Variants in PTPRD observed in about 807,000 individuals in gnomAD.
The protein encoded by PTPRD is receptor-type tyrosine-protein phosphatase delta.
PTPRD carries 34 observed loss-of-function variants against 214.5 expected under a neutral mutation model. That is an observed-to-expected ratio of 0.16 (90% CI 0.12 to 0.21). PTPRD has a LOEUF of 0.21. Ranked by LOEUF, PTPRD falls within the 10% of genes least tolerant of loss-of-function variation. PTPRD has a pLI of 1.00. For synonymous variants in PTPRD, 1,128 were observed against 845.7 expected, an observed-to-expected ratio of 1.33 and a Z score of -5.79; for missense variants, 2,545 against 2,398.7, an observed-to-expected ratio of 1.06 and a Z score of -1.27.
chr9:10,511,885 C>T lies in PTPRD; in HGVS notation c.-600+100513G>A, dbSNP rs202179836. Among the ~76,000 whole-genome samples, 77 of 59,070 alleles carry T rather than the reference C, an allele frequency of 1.3e-3. 1 individual carries two copies. The highest frequency in any genetic ancestry group is 2.1e-3 in the Admixed American group (14 of 6,512). The allele number at this position is 59,070 out of a possible 152,430, so 38.8% of individuals were successfully genotyped here. A position where few individuals can be genotyped will look rare whatever the true frequency, so the allele number is the denominator to read the frequency against. ...GTGTGTGTGTGTGTGTGTGTATATA[C>T]ACACACACATATATATACATATATA... is the stretch of plus-strand genomic sequence containing the variant. On this transcript the variant is annotated intron_variant, in intron 2 of 45. Transcript: ENST00000381196.
intron 14 of PTPRD, among the ~76,000 whole-genome samples, chr9:8,632,839 C>G (rs972426754): frequency 6.6e-6 from 1 of 151,860 alleles, no homozygotes; most frequent in Admixed American, 6.6e-5. Flanking sequence ...TTTTTTTTCA[C>G]ATAAGACAGG....
chr9:9,096,439 T>C (rs1000341459), intron 10 of PTPRD, among the ~76,000 whole-genome samples: 2 of 152,208 alleles, frequency 1.3e-5, no homozygotes, highest in African/African-American at 4.8e-5. Context: ...ACTCCAGCAC[T>C]GAAAATTATT....
intron 11 of PTPRD, among the ~76,000 whole-genome samples, chr9:8,744,087 C>G (rs535861201): frequency 1.9e-4 from 29 of 152,154 alleles, no homozygotes; most frequent in African/African-American, 6.7e-4. Context: ...AAATCAAAAC[C>G]ACAATGCAAT....
intron 7 of PTPRD, among the ~76,000 whole-genome samples, chr9:9,653,094 G>C (rs1034922445): frequency 6.7e-6 from 1 of 149,520 alleles, no homozygotes; most frequent in African/African-American, 2.5e-5. Flanking sequence ...TGTAATCCCA[G>C]CACTTTGGGA....
chr9:9,215,183 T>G (rs2099951349), intron 9 of PTPRD, among the ~76,000 whole-genome samples: 1 of 152,186 alleles, frequency 6.6e-6, no homozygotes, highest in Non-Finnish European at 1.5e-5. Flanking sequence ...AGAAGTCATC[T>G]GCTGGTGGGA....
chr9:9,876,677 T>C (rs1308226816), intron 5 of PTPRD, among the ~76,000 whole-genome samples: 2 of 152,172 alleles, frequency 1.3e-5, no homozygotes, highest in South Asian at 2.1e-4. Flanking sequence ...TTTACACATA[T>C]TTGTCATTTT....
At chr9:8,717,684 C>T (rs181050157) in intron 12 of PTPRD, among the ~76,000 whole-genome samples, 8 of 152,318 alleles carry the variant, frequency 5.3e-5, no homozygotes, top group Non-Finnish European at 1.0e-4. Context: ...CTCACCTTCA[C>T]ATGTTTTTAT....
At chr9:10,249,738 A>G (rs2092594062) in intron 3 of PTPRD, among the ~76,000 whole-genome samples, 1 of 152,196 alleles carries the variant, frequency 6.6e-6, no homozygotes, top group Non-Finnish European at 1.5e-5. Flanking sequence ...TTTTCCTACC[A>G]TAAATGCAGT....
At chr9:8,458,410 A>T (rs568937401) in intron 33 of PTPRD, among the ~76,000 whole-genome samples, 1 of 152,256 alleles carries the variant, frequency 6.6e-6, no homozygotes, top group African/African-American at 2.4e-5. Flanking sequence ...ATAAAACATA[A>T]CTTAAAAATA....
intron 5 of PTPRD, among the ~76,000 whole-genome samples, chr9:9,836,582 G>A (rs1034765802): frequency 2.0e-5 from 3 of 152,120 alleles, no homozygotes; most frequent in Non-Finnish European, 4.4e-5. Flanking sequence ...TTGGGTGGTT[G>A]AACCTGAAAG....
At chr9:9,302,281 G>T (rs755421050) in intron 9 of PTPRD, among the ~76,000 whole-genome samples, 2 of 151,670 alleles carry the variant, frequency 1.3e-5, no homozygotes, top group Non-Finnish European at 2.9e-5. Flanking sequence ...TGTCCTTTTG[G>T]CAAGTTAGGA....
intron 37 of PTPRD, among the ~76,000 whole-genome samples, chr9:8,386,293 C>T (rs1477285007): frequency 6.6e-6 from 1 of 152,126 alleles, no homozygotes; most frequent in Non-Finnish European, 1.5e-5. Flanking sequence ...ATGGTGGTAT[C>T]CCCATGCAGT....
chr9:9,015,898 T>C (rs2099532927), intron 11 of PTPRD, among the ~76,000 whole-genome samples: 1 of 152,008 alleles, frequency 6.6e-6, no homozygotes, highest in African/African-American at 2.4e-5. Context: ...ACAAACTTTG[T>C]TGTTGTTATG....
intron 39 of PTPRD, among the ~76,000 whole-genome samples, chr9:8,364,251 T>C (rs2079209793): frequency 6.6e-6 from 1 of 152,212 alleles, no homozygotes; most frequent in Admixed American, 6.5e-5. Context: ...GTCATTTACA[T>C]TACGTTAAGA....
At chr9:8,339,183 C>CCTTGA in intron 42 of PTPRD, 136 bp from the exon 43 acceptor site, 1 of 868,552 alleles carries the variant, frequency 1.2e-6, no homozygotes, top group Non-Finnish European at 1.6e-6. Flanking sequence ...ATTCCAATTG[C>CCTTGA]ATATGACTCA....
chr9:8,872,678 T>C (rs1357967936), intron 11 of PTPRD, among the ~76,000 whole-genome samples: 6 of 152,256 alleles, frequency 3.9e-5, no homozygotes, highest in Admixed American at 3.9e-4. Context: ...TGTTCTGTTA[T>C]CACTTTTTAA....
intron 11 of PTPRD, among the ~76,000 whole-genome samples, chr9:8,832,104 A>ATGTGTGTGTG (rs34699954): frequency 1.3e-5 from 2 of 148,758 alleles, no homozygotes; most frequent in East Asian, 4.0e-4. Flanking sequence ...GTATGTGTAT[A>ATGTGTGTGTG]TGTGTGTGTG....
intron 3 of PTPRD, among the ~76,000 whole-genome samples, chr9:10,270,877 C>G (rs2094379186): frequency 6.6e-6 from 1 of 151,876 alleles, no homozygotes; most frequent in Non-Finnish European, 1.5e-5. Context: ...CTTTTGTAGT[C>G]TGGAGTGCAG....
intron 5 of PTPRD, among the ~76,000 whole-genome samples, chr9:9,838,077 G>A (rs2057318029): frequency 6.6e-6 from 1 of 152,164 alleles, no homozygotes; most frequent in Non-Finnish European, 1.5e-5. Context: ...TTTCATCCAT[G>A]TCCCTACAAA....
Sources: gnomAD v4.1 joint callset for allele counts (sites outside exome capture counted in the v4.1 genomes callset) on GRCh38, gnomAD v4.1.1 for gene constraint, MANE v1.5 for transcripts, NCBI Gene and HGNC (gene_info 2026-07-23, HGNC 2026-07-21) for gene names.